Variants in CDH12 observed in about 807,000 individuals in gnomAD.
The protein encoded by CDH12 is cadherin-12.
In CDH12, 41 loss-of-function variants were observed where a neutral mutation model predicts 74.1. The observed-to-expected ratio is 0.55, with a 90% CI of 0.43 to 0.72. The LOEUF is 0.72. Among genes scored for constraint, CDH12 ranks in the 30% least tolerant of loss-of-function variants. The probability of loss-of-function intolerance (pLI) is 0.00; values close to 1 mark genes in which losing one functional copy is unlikely to be tolerated. For missense variants in CDH12, 945 were observed against 977.2 expected, an observed-to-expected ratio of 0.97 and a Z score of 0.44; for synonymous variants, 399 against 355.0, an observed-to-expected ratio of 1.12 and a Z score of -1.39.
intron 1 of CDH12, among the ~76,000 whole-genome samples, chr5:22,656,646 A>G (rs1213854884): frequency 6.6e-6 from 1 of 152,226 alleles, no homozygotes; most frequent in African/African-American, 2.4e-5. Context: ...AGTTAATCAT[A>G]TGTCTACCTT....
At chr5:22,197,175 C>T (rs1255250357) in intron 4 of CDH12, among the ~76,000 whole-genome samples, 15 of 152,188 alleles carry the variant, frequency 9.9e-5, no homozygotes, top group African/African-American at 2.2e-4. Flanking sequence ...CCGGGTGCAG[C>T]GGCTCATGCC....
chr5:22,361,331 T>C (rs1740792118), intron 3 of CDH12, among the ~76,000 whole-genome samples: 1 of 152,100 alleles, frequency 6.6e-6, no homozygotes, highest in Non-Finnish European at 1.5e-5. Flanking sequence ...CCATTCACAA[T>C]TGCTTCAAAA....
intron 1 of CDH12, among the ~76,000 whole-genome samples, chr5:22,614,027 T>C (rs1019439469): frequency 3.3e-5 from 5 of 152,144 alleles, no homozygotes; most frequent in African/African-American, 1.2e-4. Flanking sequence ...TATTTTGCTA[T>C]GCACATATAT....
At chr5:22,689,641 A>G (rs1416841610) in intron 1 of CDH12, among the ~76,000 whole-genome samples, 1 of 152,136 alleles carries the variant, frequency 6.6e-6, no homozygotes, top group East Asian at 1.9e-4. Flanking sequence ...AAAAGCTTAA[A>G]TTGATTGGGA....
At chr5:22,001,968 T>C (rs973098982) in intron 5 of CDH12, among the ~76,000 whole-genome samples, 3 of 152,060 alleles carry the variant, frequency 2.0e-5, no homozygotes, top group African/African-American at 7.2e-5. Context: ...TATAATTGGA[T>C]TTCCATTCTG....
At chr5:22,203,278 C>A (rs1316038312) in intron 4 of CDH12, among the ~76,000 whole-genome samples, 1 of 152,138 alleles carries the variant, frequency 6.6e-6, no homozygotes, top group Non-Finnish European at 1.5e-5. Flanking sequence ...CTGCTAACCT[C>A]TAATCTACTC....
At chr5:22,695,449 C>T (rs941025262) in intron 1 of CDH12, among the ~76,000 whole-genome samples, 6 of 152,066 alleles carry the variant, frequency 3.9e-5, no homozygotes, top group Admixed American at 1.3e-4. Context: ...ACAGAGACAT[C>T]AGAAATAACA....
intron 2 of CDH12, among the ~76,000 whole-genome samples, chr5:22,473,629 T>A (rs1413484324): frequency 2.0e-5 from 3 of 152,162 alleles, no homozygotes; most frequent in Admixed American, 2.0e-4. Context: ...GCAAAAAATT[T>A]GAACAAAACT....
At chr5:22,835,154 C>T (rs1195666662) in intron 1 of CDH12, among the ~76,000 whole-genome samples, 1 of 152,042 alleles carries the variant, frequency 6.6e-6, no homozygotes, top group Non-Finnish European at 1.5e-5. Flanking sequence ...TTTTGGAATA[C>T]TAGATATGAA....
chr5:22,378,374 T>A (rs2126372461), intron 3 of CDH12, among the ~76,000 whole-genome samples: 1 of 152,256 alleles, frequency 6.6e-6, no homozygotes, highest in South Asian at 2.1e-4. Context: ...TTTTTTTTGG[T>A]TTGGTTAATG....
At chr5:22,252,382 C>T (rs1210304031) in intron 3 of CDH12, among the ~76,000 whole-genome samples, 1 of 148,046 alleles carries the variant, frequency 6.8e-6, no homozygotes, top group East Asian at 2.0e-4. Context: ...AGTTATGTTC[C>T]AAACTTAAAA....
chr5:22,667,633 G>A (rs1360110917), intron 1 of CDH12, among the ~76,000 whole-genome samples: 1 of 152,120 alleles, frequency 6.6e-6, no homozygotes, highest in East Asian at 1.9e-4. Context: ...ACAATTAGGT[G>A]GTTATAAATA....
chr5:22,839,352 CTT>C (rs1293903338), intron 1 of CDH12, among the ~76,000 whole-genome samples: 12 of 120,238 alleles, frequency 1.0e-4, no homozygotes, highest in Non-Finnish European at 1.4e-4. Context: ...AATTACTTGT[CTT>C]TTTTTTTTTT....
At chr5:21,983,858 T>C (rs13359905) in intron 5 of CDH12, among the ~76,000 whole-genome samples, 39,018 of 152,048 alleles carry the variant, frequency 0.26, 7,328 homozygotes, top group African/African-American at 0.53. Flanking sequence ...TGTGCATACC[T>C]ACACACATAT....
At chr5:22,494,634 G>C (rs1215817955) in intron 2 of CDH12, among the ~76,000 whole-genome samples, 1 of 152,118 alleles carries the variant, frequency 6.6e-6, no homozygotes, top group South Asian at 2.1e-4. Flanking sequence ...GGTAAAACTG[G>C]TTTCATTAGA....
intron 3 of CDH12, among the ~76,000 whole-genome samples, chr5:22,231,814 T>A (rs557073598): frequency 2.0e-5 from 3 of 151,932 alleles, no homozygotes; most frequent in African/African-American, 7.2e-5. Flanking sequence ...AAATCAACCA[T>A]CATTATGAAT....
chr5:22,406,989 A>G (rs1742965388), intron 2 of CDH12, among the ~76,000 whole-genome samples: 1 of 151,330 alleles, frequency 6.6e-6, no homozygotes. Flanking sequence ...TATTTTATTT[A>G]TACTTGGCTA....
chr5:22,327,362 T>C (rs1739158613), intron 3 of CDH12, among the ~76,000 whole-genome samples: 1 of 152,132 alleles, frequency 6.6e-6, no homozygotes, highest in Non-Finnish European at 1.5e-5. Context: ...GTCAGTATTT[T>C]ATTATTTTGT....
At position 22,768,248 on chromosome 5, in the gene CDH12, A is replaced by G. The variant is rs553702275; in HGVS notation, c.-523+84810T>C. Reference sequence around the variant, plus strand: ...AGGGAAGGAAAAAATCTTCAATTTGATTTTTATGAAAACTGTAGTTAGATA... The same window carrying G: ...AGGGAAGGAAAAAATCTTCAATTTGGTTTTTATGAAAACTGTAGTTAGATA... On this transcript the variant is annotated intron_variant, in intron 1 of 14. Coordinates refer to ENST00000382254, the MANE Select transcript of CDH12 (RefSeq NM_004061.5). 3.4e-4 allele frequency among the ~76,000 whole-genome samples: 52 copies of G among 152,180 alleles called. 1 individual carries two copies. Among genetic ancestry groups the G allele is most frequent in the African/African-American group, 1.2e-3 (49 of 41,564 alleles).
Sources: allele counts gnomAD v4.1 joint callset (sites outside exome capture counted in the v4.1 genomes callset), GRCh38; gene constraint gnomAD v4.1.1; transcripts MANE v1.5; gene names NCBI Gene and HGNC (gene_info 2026-07-23, HGNC 2026-07-21).